Variants in LRRTM4 observed in about 807,000 individuals in gnomAD.
LRRTM4 encodes the protein leucine rich repeat transmembrane neuronal 4.
LRRTM4 carries 25 observed loss-of-function variants against 47.6 expected under a neutral mutation model. The ratio of observed to expected loss-of-function variants is 0.53; its 90% CI spans 0.38 to 0.73. The LOEUF (loss-of-function observed/expected upper bound fraction) is 0.73. Ranked by LOEUF, LRRTM4 falls within the 30% of genes least tolerant of loss-of-function variation. The pLI is 0.00. For synonymous variants in LRRTM4, 311 were observed against 269.5 expected, an observed-to-expected ratio of 1.15 and a Z score of -1.51; for missense variants, 638 against 713.4, an observed-to-expected ratio of 0.89 and a Z score of 1.20.
At chr2:77,129,635 G>T (rs1436198998) in intron 3 of LRRTM4, among the ~76,000 whole-genome samples, 1 of 152,126 alleles carries the variant, frequency 6.6e-6, no homozygotes, top group African/African-American at 2.4e-5. Context: ...TTACAAATGA[G>T]AATGATGTAA....
At chr2:77,267,945 CA>C (rs1676092111) in intron 3 of LRRTM4, among the ~76,000 whole-genome samples, 1 of 152,138 alleles carries the variant, frequency 6.6e-6, no homozygotes, top group South Asian at 2.1e-4. Context: ...GGCATTATAA[CA>C]TTTTTTTCCT....
chr2:77,028,859 C>T (rs1316810160), intron 3 of LRRTM4, among the ~76,000 whole-genome samples: 2 of 151,374 alleles, frequency 1.3e-5, no homozygotes, highest in Non-Finnish European at 2.9e-5. Flanking sequence ...CACGGTGAAA[C>T]CACATCTCTA....
At chr2:77,103,667 A>ATCTATATATATATC (rs1553389714) in intron 3 of LRRTM4, among the ~76,000 whole-genome samples, 122 of 146,274 alleles carry the variant, frequency 8.3e-4, no homozygotes, top group Non-Finnish European at 2.2e-4. Context: ...ATATATAGAT[A>ATCTATATATATATC]TATATATCAC....
In LRRTM4 at chr2:77,297,586, T is replaced by C. The variant is rs139233512; in HGVS notation, c.1551+220732A>G. On this transcript the variant is annotated intron_variant, in intron 3 of 3. Coordinates refer to ENST00000409884, the MANE Select transcript of LRRTM4 (RefSeq NM_001134745.3). Reference sequence around the variant, plus strand: ...TATGCCTTTGGACCCAGGGATTAATTAAGTCTGGGTTGGTCTTTGGTCTAT... The same window carrying C: ...TATGCCTTTGGACCCAGGGATTAATCAAGTCTGGGTTGGTCTTTGGTCTAT... 6.1e-3 allele frequency among the ~76,000 whole-genome samples: 934 copies of C among 152,274 alleles called. 12 individuals are homozygous for C. The highest frequency in any genetic ancestry group is 0.02 in the African/African-American group (849 of 41,548).
Position 76,748,773 on chromosome 2 carries a change from C to T in LRRTM4, c.1695G>A (p.Leu565=), listed in dbSNP as rs199976616. 4.6e-5 allele frequency: 75 copies of T among 1,614,026 alleles called. No individual in the cohort carries two copies. Among genetic ancestry groups the T allele is most frequent in the Non-Finnish European group, 6.2e-5 (73 of 1,179,900 alleles). ...TGGCGATGAAGCTGTGGTCTCGGCC[C>T]AGCTCCAGGCCGGGGCTTTCGTCCT... is the stretch of plus-strand genomic sequence containing the variant. The part of the protein sequence containing the change: ...PEQDESPGLE[L]GRDHSFIATI... Residue 565 remains leucine, a synonymous_variant, in exon 4 of 4, where the codon CTG becomes CTA. Transcript: ENST00000409884.
chr2:77,067,889 T>C (rs1680013941), intron 3 of LRRTM4, among the ~76,000 whole-genome samples: 1 of 152,028 alleles, frequency 6.6e-6, no homozygotes, highest in Non-Finnish European at 1.5e-5. Flanking sequence ...AAAACTAATC[T>C]TGATGACCAT....
At position 76,796,249 on chromosome 2, in the gene LRRTM4, C is replaced by CA. The variant is rs1558659201; in HGVS notation, c.1552-47334_1552-47333insT. Among the ~76,000 whole-genome samples the CA allele has an allele frequency of 2.0e-3, 262 of 132,276 alleles. 5 individuals are homozygous for CA. Among genetic ancestry groups the CA allele is most frequent in the African/African-American group, 7.3e-3 (250 of 34,342 alleles). The allele number at this position is 132,276 out of a possible 152,430, so 86.8% of individuals were successfully genotyped here. On this transcript the variant is annotated intron_variant, in intron 3 of 3. Coordinates refer to ENST00000409884, the MANE Select transcript of LRRTM4 (RefSeq NM_001134745.3). ...GCAGCCAGGCTGGGGGAGGGGTGCC[C>CA]GCCATTGAACAGGCTTGATTAGGTA...
intron 3 of LRRTM4, among the ~76,000 whole-genome samples, chr2:76,781,743 C>A (rs75054591): frequency 1.2e-3 from 153 of 132,924 alleles, no homozygotes; most frequent in African/African-American, 6.0e-3. Context: ...AGCTATAGAC[C>A]GGAGCTGTTC....
chr2:76,993,326 C>T (rs1229107486), intron 3 of LRRTM4, among the ~76,000 whole-genome samples: 1 of 151,672 alleles, frequency 6.6e-6, no homozygotes, highest in Non-Finnish European at 1.5e-5. Context: ...AGTAAACAAT[C>T]AACAGAATGG....
chr2:76,907,381 G>A (rs1371315953), intron 3 of LRRTM4, among the ~76,000 whole-genome samples: 5 of 150,872 alleles, frequency 3.3e-5, no homozygotes, highest in Non-Finnish European at 7.4e-5. Context: ...ATGCCCACAA[G>A]AAAAAGCAGG....
At chr2:77,131,346 A>G (rs189496410) in intron 3 of LRRTM4, among the ~76,000 whole-genome samples, 188 of 152,300 alleles carry the variant, frequency 1.2e-3, no homozygotes, top group African/African-American at 4.1e-3. Flanking sequence ...CTAGAAAGAA[A>G]TATCAGCTCT....
chr2:76,784,866 A>G (rs1325411870), intron 3 of LRRTM4, among the ~76,000 whole-genome samples: 1 of 152,142 alleles, frequency 6.6e-6, no homozygotes, highest in Non-Finnish European at 1.5e-5. Context: ...CCCAGCATGT[A>G]GTGAATGCTT....
At chr2:77,153,450 T>C (rs1234531754) in intron 3 of LRRTM4, among the ~76,000 whole-genome samples, 1 of 152,128 alleles carries the variant, frequency 6.6e-6, no homozygotes, top group Non-Finnish European at 1.5e-5. Flanking sequence ...GCAAATTTAA[T>C]GCAAAAAATA....
chr2:77,221,169 AC>A (rs1263925572), intron 3 of LRRTM4, among the ~76,000 whole-genome samples: 1 of 152,146 alleles, frequency 6.6e-6, no homozygotes, highest in Non-Finnish European at 1.5e-5. Flanking sequence ...ATATTTTGTC[AC>A]CACCAGGCCT....
chr2:76,885,814 G>T (rs900347315), intron 3 of LRRTM4, among the ~76,000 whole-genome samples: 1 of 152,006 alleles, frequency 6.6e-6, no homozygotes, highest in African/African-American at 2.4e-5. Flanking sequence ...CAGCCTGTGG[G>T]AATTTTATGA....
intron 3 of LRRTM4, among the ~76,000 whole-genome samples, chr2:77,181,424 G>A (rs1673343479): frequency 6.6e-6 from 1 of 152,102 alleles, no homozygotes; most frequent in Non-Finnish European, 1.5e-5. Context: ...ATTTGCATTT[G>A]ACTGAATATT....
At chr2:77,169,150 T>A (rs1467472738) in intron 3 of LRRTM4, among the ~76,000 whole-genome samples, 3 of 152,152 alleles carry the variant, frequency 2.0e-5, no homozygotes, top group African/African-American at 7.2e-5. Flanking sequence ...ACGCCTTTCC[T>A]ATAAGAACTG....
chr2:77,290,865 G>A (rs962122933), intron 3 of LRRTM4, among the ~76,000 whole-genome samples: 18 of 151,918 alleles, frequency 1.2e-4, no homozygotes, highest in East Asian at 5.8e-4. Context: ...TAGAATTTGC[G>A]CTTTTCCGAG....
At chr2:76,814,691 A>T (rs1259132113) in intron 3 of LRRTM4, among the ~76,000 whole-genome samples, 1 of 151,882 alleles carries the variant, frequency 6.6e-6, no homozygotes, top group Non-Finnish European at 1.5e-5. Context: ...AAGGGACTTG[A>T]GTATCCCTGA....
Sources: gnomAD v4.1 joint callset for allele counts (sites outside exome capture counted in the v4.1 genomes callset) on GRCh38, gnomAD v4.1.1 for gene constraint, MANE v1.5 for transcripts, NCBI Gene and HGNC (gene_info 2026-07-23, HGNC 2026-07-21) for gene names.